RTN4IP1: variants seen among roughly 807,000 people sequenced by gnomAD.
RTN4IP1 encodes NAD(P)H oxidoreductase RTN4IP1, mitochondrial.
RTN4IP1 carries 32 observed loss-of-function variants against 46.6 expected under a neutral mutation model. The ratio of observed to expected loss-of-function variants is 0.69; its 90% CI spans 0.52 to 0.92. The LOEUF is 0.92. Among genes scored for constraint, RTN4IP1 ranks in the 40% least tolerant of loss-of-function variants. The pLI is 0.00. For synonymous variants in RTN4IP1, 167 were observed against 161.8 expected, an observed-to-expected ratio of 1.03 and a Z score of -0.24; for missense variants, 424 against 485.8, an observed-to-expected ratio of 0.87 and a Z score of 1.20.
chr6:106,590,641 G>T (rs1042542408), intron 6 of RTN4IP1, among the ~76,000 whole-genome samples: 1 of 146,050 alleles, frequency 6.8e-6, no homozygotes, highest in Non-Finnish European at 1.5e-5. Flanking sequence ...CTTGAAACCG[G>T]AAGGCAGAGG....
chr6:106,583,756 C>G (rs2114629310), intron 7 of RTN4IP1: 2 of 264,508 alleles, frequency 7.6e-6, no homozygotes, highest in Non-Finnish European at 1.5e-5. Context: ...AGGAATCGGG[C>G]TGAGACCTCT....
chr6:106,629,635 T>C (rs1776765046), upstream of RTN4IP1: 1 of 1,580,582 alleles, frequency 6.3e-7, no homozygotes, highest in Non-Finnish European at 8.6e-7. Context: ...GTGACCTCTT[T>C]TTCCCCCTTG....
chr6:106,598,368 A>C (rs1235883100), intron 5 of RTN4IP1, among the ~76,000 whole-genome samples: 1 of 151,634 alleles, frequency 6.6e-6, no homozygotes, highest in African/African-American at 2.4e-5. Flanking sequence ...TTGTTTCCTG[A>C]CTTTTTAATG....
In RTN4IP1 at chr6:106,575,882, G is replaced by A. The variant is rs949821597; in HGVS notation, c.1084-3779C>T. Among the ~76,000 whole-genome samples the A allele has an allele frequency of 2.6e-5, 4 of 152,252 alleles. No homozygotes were observed. The South Asian group carries it at 6.2e-4, about 24-fold the overall frequency. ...ATTCCACTTCTTTTCCTAGACCCTT[G>A]GCCTCTTCTTCCACCAGGCACAGAG... On this transcript the variant is annotated intron_variant, in intron 8 of 8. Transcript: ENST00000369063.
rs1775047016 is a variant in RTN4IP1 at position 106,571,084 on chromosome 6, A to C, written c.*912T>G. 6.6e-6 allele frequency: 1 copy of C among 152,216 alleles called. No individual in the cohort carries two copies. The highest frequency in any genetic ancestry group is 2.4e-5 in the African/African-American group (1 of 41,458). 9.4% of individuals were successfully genotyped at this position (152,216 alleles called of 1,614,324 possible). ...TTGGAAGGCTGCAATTTCCATGGAA[A>C]AGCCCTCAGAGAAGCATGTTTCAAT... On this transcript the variant is annotated 3_prime_UTR_variant, in exon 9 of 9. Coordinates refer to ENST00000369063, the MANE Select transcript of RTN4IP1 (RefSeq NM_032730.5).
At chr6:106,621,961 T>C (rs1776496091) in intron 2 of RTN4IP1, among the ~76,000 whole-genome samples, 1 of 152,134 alleles carries the variant, frequency 6.6e-6, no homozygotes, top group African/African-American at 2.4e-5. Flanking sequence ...AAGTGACAGG[T>C]GATTATACCA....
chr6:106,629,557 G>A, upstream of RTN4IP1: 5 of 1,197,212 alleles, frequency 4.2e-6, no homozygotes, highest in Non-Finnish European at 5.8e-6. Flanking sequence ...ACCAATCCAA[G>A]TACTCGGTGT....
At chr6:106,628,119 C>T (rs1177457979) in intron 1 of RTN4IP1, among the ~76,000 whole-genome samples, 2 of 151,424 alleles carry the variant, frequency 1.3e-5, no homozygotes, top group Admixed American at 1.3e-4. Flanking sequence ...AACAACTATA[C>T]TTCCGAAGCC....
rs778962237 is a variant in RTN4IP1, at chr6:106,572,112, C to G, written c.1084-9G>C. 2 of 1,603,046 alleles carry G rather than the reference C, an allele frequency of 1.2e-6. No individual in the cohort carries two copies. Among genetic ancestry groups the G allele is most frequent in the African/African-American group, 2.7e-5 (2 of 74,598 alleles). ...TCAATAACTGGCCGGATCTGTAAAACATAAGAGGTTGACCGGTGGATAAAA... is the reference window on the plus strand; with the variant it reads ...TCAATAACTGGCCGGATCTGTAAAAGATAAGAGGTTGACCGGTGGATAAAA... On this transcript the variant is annotated splice_polypyrimidine_tract_variant and intron_variant, in intron 8 of 8. Transcript: ENST00000369063.
intron 1 of RTN4IP1, among the ~76,000 whole-genome samples, chr6:106,627,286 A>G (rs1776672794): frequency 6.6e-6 from 1 of 152,260 alleles, no homozygotes; most frequent in African/African-American, 2.4e-5. Flanking sequence ...AGATACAGCC[A>G]TTCTGTTTAA....
chr6:106,571,987 C>A lies in RTN4IP1; in HGVS notation c.*9G>T. The A allele has an allele frequency of 6.2e-7, 1 of 1,602,096 alleles. No homozygotes were observed. Among genetic ancestry groups the A allele is most frequent in the South Asian group, 1.1e-5 (1 of 90,628 alleles). ...AAGAACGTCAACAATCACTAAACTG[C>A]ATTTTTATTTAAACAACATTAATTA... On this transcript the variant is annotated 3_prime_UTR_variant, in exon 9 of 9. Coordinates refer to ENST00000369063, the MANE Select transcript of RTN4IP1 (RefSeq NM_032730.5).
chr6:106,620,073 A>G (rs1382621401), intron 3 of RTN4IP1, among the ~76,000 whole-genome samples: 1 of 152,056 alleles, frequency 6.6e-6, no homozygotes, highest in East Asian at 1.9e-4. Flanking sequence ...TATAATATAC[A>G]TAACATATAA....
At chr6:106,597,338 ACT>A (rs1340866172) in intron 5 of RTN4IP1, among the ~76,000 whole-genome samples, 1 of 151,840 alleles carries the variant, frequency 6.6e-6, no homozygotes, top group African/African-American at 2.4e-5. Context: ...CTTTCTCTTG[ACT>A]CTGTTTTTAT....
At chr6:106,622,155 G>A (rs1471814790) in intron 2 of RTN4IP1, among the ~76,000 whole-genome samples, 4 of 150,412 alleles carry the variant, frequency 2.7e-5, no homozygotes, top group Admixed American at 2.6e-4. Flanking sequence ...GTGAAAAAAT[G>A]TAACAACAGA....
upstream of RTN4IP1, among the ~76,000 whole-genome samples, chr6:106,630,280 A>C (rs73761710): frequency 0.058 from 8,797 of 152,208 alleles, 292 homozygotes; most frequent in South Asian, 0.099. Context: ...AAGCACCCTC[A>C]AATTCACTTT....
chr6:106,599,644 A>G (rs1009689193), intron 5 of RTN4IP1, among the ~76,000 whole-genome samples: 2 of 152,072 alleles, frequency 1.3e-5, no homozygotes, highest in African/African-American at 4.8e-5. Flanking sequence ...TCATGACTGC[A>G]TAATATTCCA....
intron 8 of RTN4IP1, among the ~76,000 whole-genome samples, chr6:106,581,575 T>C (rs17067393): frequency 0.033 from 5,037 of 152,242 alleles, 273 homozygotes; most frequent in East Asian, 0.2. Flanking sequence ...TTGCCAGAAA[T>C]GACTCCCAAG....
intron 5 of RTN4IP1, among the ~76,000 whole-genome samples, chr6:106,592,929 C>CAA (rs35497573): frequency 1.1e-4 from 12 of 114,232 alleles, no homozygotes; most frequent in East Asian, 7.1e-4. Context: ...GACTTCATCT[C>CAA]AAAAAAAAAA....
At chr6:106,580,351 C>T (rs1406523693) in intron 8 of RTN4IP1, among the ~76,000 whole-genome samples, 2 of 151,730 alleles carry the variant, frequency 1.3e-5, no homozygotes, top group Admixed American at 6.6e-5. Context: ...AGAGAAGGGG[C>T]CTAGAAGGTA....
Sources: allele counts gnomAD v4.1 joint callset (sites outside exome capture counted in the v4.1 genomes callset), GRCh38; gene constraint gnomAD v4.1.1; transcripts MANE v1.5; gene names NCBI Gene and HGNC (gene_info 2026-07-23, HGNC 2026-07-21).